The following PHLPP1 variants were observed in gnomAD, a reference collection of about 807,000 sequenced individuals.
PHLPP1 encodes the protein PH domain and leucine rich repeat protein phosphatase 1, also known as PH domain leucine-rich repeat-containing protein phosphatase 1.
In PHLPP1, 42 loss-of-function variants were observed where a neutral mutation model predicts 117.2. That is an observed-to-expected ratio of 0.36 (90% CI 0.28 to 0.46). The LOEUF is 0.46. PHLPP1 is among the 20% of genes least tolerant of loss of function. PHLPP1 has a pLI of 1.00. For missense variants in PHLPP1, 2,084 were observed against 2,241.9 expected, an observed-to-expected ratio of 0.93 and a Z score of 1.42; for synonymous variants, 1,042 against 970.7, an observed-to-expected ratio of 1.07 and a Z score of -1.37.
At chr18:62,943,720 A>C (rs1910196663) in intron 11 of PHLPP1, among the ~76,000 whole-genome samples, 1 of 152,058 alleles carries the variant, frequency 6.6e-6, no homozygotes. Flanking sequence ...CCATGACCAA[A>C]ACACCTCCCA....
At chr18:62,750,272 T>C (rs1472091875) in intron 1 of PHLPP1, among the ~76,000 whole-genome samples, 1 of 152,194 alleles carries the variant, frequency 6.6e-6, no homozygotes, top group Non-Finnish European at 1.5e-5. Flanking sequence ...CGTGCAGTTA[T>C]GTGTTCACTG....
chr18:62,944,065 G>GTT (rs34974836), intron 11 of PHLPP1, among the ~76,000 whole-genome samples: 11 of 151,298 alleles, frequency 7.3e-5, no homozygotes, highest in African/African-American at 2.4e-4. Context: ...TAATACAGTG[G>GTT]TTTTTTTTTG....
At chr18:62,905,045 GA>G (rs1916810618) in intron 7 of PHLPP1, among the ~76,000 whole-genome samples, 178 bp from the exon 8 acceptor site, 1 of 152,192 alleles carries the variant, frequency 6.6e-6, no homozygotes, top group South Asian at 2.1e-4. Flanking sequence ...AAGATCTTGT[GA>G]TTAAAAGTTC....
At chr18:62,781,620 A>AT (rs1022188173) in intron 1 of PHLPP1, among the ~76,000 whole-genome samples, 2 of 152,000 alleles carry the variant, frequency 1.3e-5, no homozygotes, top group African/African-American at 4.8e-5. Flanking sequence ...AAACAGTGTG[A>AT]TTAGAGGTAT....
At chr18:62,736,561 G>A (rs1047946473) in intron 1 of PHLPP1, among the ~76,000 whole-genome samples, 6 of 152,158 alleles carry the variant, frequency 3.9e-5, no homozygotes, top group Admixed American at 1.3e-4. Flanking sequence ...ATTGTGTAGC[G>A]GATATCACTG....
chr18:62,938,788 T>A (rs528405362), intron 10 of PHLPP1, among the ~76,000 whole-genome samples: 20 of 152,330 alleles, frequency 1.3e-4, no homozygotes, highest in African/African-American at 4.6e-4. Flanking sequence ...TTCCCTTTAT[T>A]CAGATGCCAT....
chr18:62,872,936 G>A (rs111754101), intron 4 of PHLPP1, among the ~76,000 whole-genome samples: 4,259 of 140,262 alleles, frequency 0.03, 87 homozygotes, highest in Middle Eastern at 0.083. Context: ...GCAGTGAGCC[G>A]AGACTGAGCC....
At chr18:62,870,778 C>T (rs1235496531) in intron 4 of PHLPP1, among the ~76,000 whole-genome samples, 1 of 152,080 alleles carries the variant, frequency 6.6e-6, no homozygotes, top group Non-Finnish European at 1.5e-5. Flanking sequence ...GTATTTGCAC[C>T]AACATTCTAA....
At chr18:62,822,859 T>C (rs1914507250) in intron 1 of PHLPP1, among the ~76,000 whole-genome samples, 1 of 152,196 alleles carries the variant, frequency 6.6e-6, no homozygotes, top group Non-Finnish European at 1.5e-5. Context: ...CCTATATAAC[T>C]ATTGGCAACT....
chr18:62,751,204 G>T (rs1409393087), intron 1 of PHLPP1, among the ~76,000 whole-genome samples: 1 of 152,110 alleles, frequency 6.6e-6, no homozygotes, highest in Non-Finnish European at 1.5e-5. Flanking sequence ...GAATTGATCT[G>T]GAAACATTTC....
In PHLPP1 at chr18:62,747,496, C is replaced by T. The variant is rs557532468; in HGVS notation, c.1576+30237C>T. On this transcript the variant is annotated intron_variant, in intron 1 of 16. Coordinates refer to ENST00000262719, the MANE Select transcript of PHLPP1 (RefSeq NM_194449.4). ...TCTTACCTTTCCTACCTTCCCTCCT[C>T]TCCCACCTTCCCTCCTCTCCCCTCC... is the stretch of plus-strand genomic sequence containing the variant. Among the ~76,000 whole-genome samples the T allele has an allele frequency of 5.9e-5, 9 of 151,356 alleles. No homozygotes were observed. In the East Asian group the frequency reaches 1.4e-3, roughly 23 times the overall value.
intron 10 of PHLPP1, 111 bp from the exon 11 acceptor site, chr18:62,941,607 C>T: frequency 4.1e-6 from 3 of 728,966 alleles, no homozygotes; most frequent in African/African-American, 1.8e-5. Context: ...CTTGTCTTTT[C>T]AATTCATGTT....
chr18:62,721,183 G>C (rs1201062919), intron 1 of PHLPP1, among the ~76,000 whole-genome samples: 1 of 152,072 alleles, frequency 6.6e-6, no homozygotes, highest in Non-Finnish European at 1.5e-5. Flanking sequence ...GTTTATCATG[G>C]TGCCTTTAAA....
chr18:62,940,832 A>G (rs1356799360), intron 10 of PHLPP1, among the ~76,000 whole-genome samples: 1 of 152,232 alleles, frequency 6.6e-6, no homozygotes, highest in African/African-American at 2.4e-5. Flanking sequence ...TTGTGTAACC[A>G]GCACCTGGAC....
intron 1 of PHLPP1, among the ~76,000 whole-genome samples, chr18:62,828,461 C>G (rs1252664684): frequency 1.3e-5 from 2 of 152,202 alleles, no homozygotes; most frequent in Non-Finnish European, 2.9e-5. Context: ...TTGCTGGGCA[C>G]CTGGTTCAAG....
chr18:62,873,359 G>A (rs187743102), intron 4 of PHLPP1, among the ~76,000 whole-genome samples: 178 of 152,282 alleles, frequency 1.2e-3, no homozygotes, highest in Admixed American at 2.7e-3. Context: ...AGAAGCCTGT[G>A]TTCTAGTAAG....
intron 9 of PHLPP1, among the ~76,000 whole-genome samples, chr18:62,918,304 C>A (rs191738190): frequency 8.5e-4 from 129 of 151,346 alleles, no homozygotes; most frequent in African/African-American, 3.1e-3. Flanking sequence ...TAGACAGTAC[C>A]CAAAAGAATT....
chr18:62,834,751 A>G (rs1914846222), intron 2 of PHLPP1, among the ~76,000 whole-genome samples: 1 of 152,120 alleles, frequency 6.6e-6, no homozygotes, highest in South Asian at 2.1e-4. Flanking sequence ...TGATAGCTGT[A>G]TACCCCCATT....
chr18:62,803,447 CTT>C (rs917891816), intron 1 of PHLPP1, among the ~76,000 whole-genome samples: 2 of 152,024 alleles, frequency 1.3e-5, no homozygotes, highest in Non-Finnish European at 2.9e-5. Context: ...TCATTTTGAG[CTT>C]TATATAAATA....
Sources: allele counts gnomAD v4.1 joint callset (sites outside exome capture counted in the v4.1 genomes callset), GRCh38; gene constraint gnomAD v4.1.1; transcripts MANE v1.5; gene names NCBI Gene and HGNC (gene_info 2026-07-23, HGNC 2026-07-21).